Variants in RBM14 observed in about 807,000 individuals in gnomAD.
RBM14 encodes RNA binding motif protein 14, also known as RNA-binding protein 14.
RBM14 carries 5 observed loss-of-function variants against 52.8 expected under a neutral mutation model. That is an observed-to-expected ratio of 0.09 (90% CI 0.05 to 0.20). RBM14 has a LOEUF of 0.20. RBM14 is among the 10% of genes least tolerant of loss of function. RBM14 has a pLI of 1.00. For synonymous variants in RBM14, 411 were observed against 401.8 expected (o/e 1.02, Z -0.28); for missense variants, 780 against 926.6 (o/e 0.84, Z 2.05).
Position 66,624,775 on chromosome 11 carries a change from C to T in RBM14, c.899C>T (p.Ser300Phe), listed in dbSNP as rs1937709410. The change falls in exon 2 of 3, where the codon TCT becomes TTT. Residue 300 changes from serine (S) to phenylalanine (F), a missense_variant. Ser to Phe is a radical substitution (Grantham distance 155). Transcript: ENST00000310137. This position sits in a 1 kb window ranked among gnomAD's most constrained non-coding sequence, Gnocchi z 4.7. ...CCTAGCTCCCAGTCTGCTGCAGCTT[C>T]TTCACTCGGCCCATATGGTGGAGCC... ...ASPSSQSAAA[S>F]SLGPYGGAQP... is the part of the protein sequence containing the mutation. 1.2e-6 allele frequency: 2 copies of T among 1,614,150 alleles called. No individual in the cohort carries two copies. The highest frequency in any genetic ancestry group is 1.7e-6 in the Non-Finnish European group (2 of 1,179,998).
chr11:66,626,136 G>A (rs1227883320), intron 2 of RBM14, among the ~76,000 whole-genome samples: 2 of 152,236 alleles, frequency 1.3e-5, no homozygotes, highest in African/African-American at 4.8e-5. Flanking sequence ...TTCATCCGCC[G>A]TTCTGTTGAT....
Position 66,625,366 on chromosome 11 carries a change from C to G in RBM14, c.1490C>G (p.Ser497Cys). ...CAGTCGGCTGCTGCGGCCACTGGCTCCTATGGTGCCGCAGCAGCCTACGGG... is the reference window on the plus strand; with the variant it reads ...CAGTCGGCTGCTGCGGCCACTGGCTGCTATGGTGCCGCAGCAGCCTACGGG... ...GAQSAAAATG[S>C]YGAAAAYGAQ... The change falls in exon 2 of 3, where the codon TCC becomes TGC. Residue 497 changes from serine to cysteine, a missense_variant. Around this residue, in one of 4 missense-constraint regions of RBM14, gnomAD observed 675 missense variants for 697.3 expected, o/e 0.97. Coordinates refer to ENST00000310137, the MANE Select transcript of RBM14 (RefSeq NM_006328.4). The surrounding 1 kb of genome is among the most constrained non-coding windows in gnomAD (Gnocchi z 4.2). The G allele has an allele frequency of 1.2e-6, 2 of 1,610,858 alleles. No individual in the cohort carries two copies. Among genetic ancestry groups the G allele is most frequent in the Non-Finnish European group, 1.7e-6 (2 of 1,179,118 alleles).
At chr11:66,618,923 T>C (rs1858970285) in intron 1 of RBM14, 3 of 226,546 alleles carry the variant, frequency 1.3e-5, no homozygotes, top group Non-Finnish European at 2.6e-5. Context: ...TTGTGAGAGT[T>C]AGACGGAGTT....
chr11:66,618,709 G>A, intron 1 of RBM14: 1 of 618,442 alleles, frequency 1.6e-6, no homozygotes, highest in Non-Finnish European at 2.9e-6. Context: ...TTTTGTGGTT[G>A]TTAGGTAGAG....
At position 66,624,168 on chromosome 11, in the gene RBM14, T is replaced by C; in HGVS notation, c.338-46T>C. On this transcript the variant is annotated intron_variant, in intron 1 of 2. Coordinates refer to ENST00000310137, the MANE Select transcript of RBM14 (RefSeq NM_006328.4). This position sits in a 1 kb window ranked among gnomAD's most constrained non-coding sequence, Gnocchi z 4.7. The stretch of plus-strand genomic sequence containing the variant: ...CCAATTTGGGACCCATCAGGTAGCA[T>C]GCCCTGCCCCCCTAATTGCTAACCC... 1.3e-6 allele frequency: 2 copies of C among 1,543,384 alleles called. No individual in the cohort carries two copies. Among genetic ancestry groups the C allele is most frequent in the Non-Finnish European group, 1.7e-6 (2 of 1,143,252 alleles).
At chr11:66,621,518 C>T (rs1393801894) in intron 1 of RBM14, among the ~76,000 whole-genome samples, 2 of 152,022 alleles carry the variant, frequency 1.3e-5, no homozygotes, top group African/African-American at 2.4e-5. Context: ...GCTGGGATTA[C>T]AGGCACATGC....
In RBM14 at chr11:66,624,863, C is replaced by T; in HGVS notation, c.987C>T (p.Asn329=). 1.9e-6 allele frequency: 3 copies of T among 1,614,072 alleles called. No homozygotes were observed. The South Asian group carries it at 3.3e-5, about 18-fold the overall frequency. The change falls in exon 2 of 3, where the codon AAC becomes AAT. Residue 329 remains asparagine (N), a synonymous_variant. Transcript: ENST00000310137. This position sits in a 1 kb window ranked among gnomAD's most constrained non-coding sequence, Gnocchi z 4.7. ...AGGCAGCTGCAGCTTCTTCGCTCAA[C>T]TCCTATGGGGCTCAGGGTTCCTCCC... The part of the protein sequence containing the change: ...GGQAAAASSL[N]SYGAQGSSLA...
At chr11:66,620,799 G>A (rs909362218) in intron 1 of RBM14, 1 of 151,992 alleles carries the variant, frequency 6.6e-6, no homozygotes, top group African/African-American at 2.4e-5. Context: ...GGAAGTTGTG[G>A]ATAGAATAAT....
rs1937687346 is a variant in RBM14 at position 66,624,381 on chromosome 11, G to C, written c.505G>C (p.Gly169Arg). 6.2e-7 allele frequency: 1 copy of C among 1,614,176 alleles called. No individual in the cohort carries two copies. Among genetic ancestry groups the C allele is most frequent in the Non-Finnish European group, 8.5e-7 (1 of 1,179,986 alleles). Residue 169 changes from glycine to arginine, a missense_variant, in exon 2 of 3, where the codon GGG becomes CGG. This residue lies in a region of RBM14 where 675 missense variants were observed against 697.3 expected (regional missense o/e 0.97). Coordinates refer to ENST00000310137, the MANE Select transcript of RBM14 (RefSeq NM_006328.4). The surrounding 1 kb of genome is among the most constrained non-coding windows in gnomAD (Gnocchi z 4.7). The part of the protein sequence containing the change: ...VQSGDKTKKP[G>R]AGDTAFPGTG... ...GTCTGGGGACAAGACCAAGAAACCA[G>C]GGGCTGGGGATACGGCCTTCCCTGG... is the stretch of plus-strand genomic sequence containing the variant.
In RBM14 at chr11:66,625,568, G is replaced by A; in HGVS notation, c.1692G>A (p.Gly564=). Residue 564 remains glycine, a synonymous_variant, in exon 2 of 3, where the codon GGG becomes GGA. Coordinates refer to ENST00000310137, the MANE Select transcript of RBM14 (RefSeq NM_006328.4). This position sits in a 1 kb window ranked among gnomAD's most constrained non-coding sequence, Gnocchi z 4.2. ...CAGCCTACCTGTCCATGTCCCAGGG[G>A]GCCGTTGCCAACGCCAACAGCACCC... ...PSAAYLSMSQ[G]AVANANSTPP... is the part of the protein sequence containing the mutation. 1 of 1,612,218 alleles carries A rather than the reference G, an allele frequency of 6.2e-7. No homozygotes were observed. Among genetic ancestry groups the A allele is most frequent in the Non-Finnish European group, 8.5e-7 (1 of 1,179,790 alleles).
intron 1 of RBM14, among the ~76,000 whole-genome samples, chr11:66,620,044 A>G (rs1157897257): frequency 1.3e-5 from 2 of 152,232 alleles, no homozygotes; most frequent in African/African-American, 2.4e-5. Flanking sequence ...TCTGTGGGCA[A>G]GAAGGTTCCT....
In RBM14 at chr11:66,625,911, G is replaced by T. The variant is rs541855367; in HGVS notation, c.1802+233G>T. 3.3e-5 allele frequency among the ~76,000 whole-genome samples: 5 copies of T among 152,372 alleles called. No individual in the cohort carries two copies. The highest frequency in any genetic ancestry group is 1.3e-4 in the Admixed American group (2 of 15,308). ...GTACCTGCTAGTCAGGCCAGGCACA[G>T]TGTCACCTGTCTAGGCTAGCCCAAG... On this transcript the variant is annotated intron_variant, in intron 2 of 2. Coordinates refer to ENST00000310137, the MANE Select transcript of RBM14 (RefSeq NM_006328.4). The surrounding 1 kb of genome is among the most constrained non-coding windows in gnomAD (Gnocchi z 4.2).
At chr11:66,618,666 A>G (rs566629989) in intron 1 of RBM14, 1 of 661,322 alleles carries the variant, frequency 1.5e-6, no homozygotes, top group South Asian at 1.7e-5. Context: ...CTCATTTGTG[A>G]GAGTTTTGTG....
chr11:66,618,407 G>A (rs1357909932), intron 1 of RBM14: 2 of 690,356 alleles, frequency 2.9e-6, no homozygotes, highest in African/African-American at 3.5e-5. Flanking sequence ...AGTCCTTTAA[G>A]TGGGGGAAAT....
intron 1 of RBM14, chr11:66,619,585 T>TA (rs1435394990): frequency 2.6e-5 from 4 of 151,772 alleles, no homozygotes; most frequent in Admixed American, 1.3e-4. Context: ...TTTTTTTTTT[T>TA]AGACGGAGTC....
Position 66,616,912 on chromosome 11 carries a change from C to T in RBM14, c.192C>T (p.Arg64=). 1 of 1,611,522 alleles carries T rather than the reference C, an allele frequency of 6.2e-7. No individual in the cohort carries two copies. The highest frequency in any genetic ancestry group is 2.2e-5 in the East Asian group (1 of 44,780). Reference sequence around the variant, plus strand: ...ACGGCCACGAGCTGCGGCCGGGGCGCGCGCTCGTGGTGGAGATGTCGCGCC... The same window carrying T: ...ACGGCCACGAGCTGCGGCCGGGGCGTGCGCTCGTGGTGGAGATGTCGCGCC... ...ALHGHELRPG[R]ALVVEMSRPR... Residue 64 remains arginine, a synonymous_variant, in exon 1 of 3, where the codon CGC becomes CGT. Transcript: ENST00000310137.
chr11:66,626,273 A>G (rs1033355514), intron 2 of RBM14, among the ~76,000 whole-genome samples, 188 bp from the exon 3 acceptor site: 2 of 152,126 alleles, frequency 1.3e-5, no homozygotes, highest in Non-Finnish European at 2.9e-5. Flanking sequence ...TTGATTTCCC[A>G]CTGAGTTGAA....
intron 1 of RBM14, chr11:66,618,576 G>C: frequency 1.4e-6 from 1 of 717,360 alleles, no homozygotes; most frequent in Non-Finnish European, 2.6e-6. Context: ...ATGGATTTTT[G>C]CTTTTGTTTA....
intron 1 of RBM14, chr11:66,617,504 C>T: frequency 1.1e-5 from 11 of 1,001,170 alleles, no homozygotes; most frequent in Non-Finnish European, 1.3e-5. Flanking sequence ...GCTGACGCCC[C>T]AAGGCCGCCC....
Sources: allele counts gnomAD v4.1 joint callset (sites outside exome capture counted in the v4.1 genomes callset), GRCh38; gene constraint gnomAD v4.1.1; regional missense constraint gnomAD v4.1.1; non-coding constraint Gnocchi (gnomAD v3.1); transcripts MANE v1.5; gene names NCBI Gene and HGNC (gene_info 2026-07-23, HGNC 2026-07-21).